Variants in CTDSP1 observed in about 807,000 individuals in gnomAD.
The protein encoded by CTDSP1 is CTD small phosphatase 1.
In CTDSP1, 15 loss-of-function variants were observed where a neutral mutation model predicts 32.5. That is an observed-to-expected ratio of 0.46 (90% CI 0.31 to 0.71). The LOEUF is 0.71. CTDSP1 is among the 30% of genes least tolerant of loss of function. CTDSP1 has a pLI of 0.05. For missense variants in CTDSP1, 294 were observed against 351.1 expected (o/e 0.84, Z 1.30); for synonymous variants, 185 against 145.4 (o/e 1.27, Z -1.96).
rs1439736660 is a variant in CTDSP1, at chr2:218,402,738, G to A, written c.379-297G>A. The stretch of plus-strand genomic sequence containing the variant: ...CGGGGACCGGTGCCCTGCAGCCTTG[G>A]GGTGAGGGGGCTGCCCCTGGATTCC... On this transcript the variant is annotated intron_variant, in intron 4 of 6. Transcript: ENST00000273062. The A allele has an allele frequency of 4.0e-6, 3 of 750,434 alleles. No individual in the cohort carries two copies. The Admixed American group carries it at 5.4e-5, about 13-fold the overall frequency. The allele number at this position is 750,434 out of a possible 1,614,324, so 46.5% of individuals were successfully genotyped here.
intron 4 of CTDSP1, chr2:218,402,677 T>C: frequency 2.6e-6 from 2 of 758,160 alleles, no homozygotes; most frequent in Non-Finnish European, 2.5e-6. Context: ...TCAGGATAGG[T>C]TGTGTGCTGT....
chr2:218,397,023 G>C (rs939276989), upstream of CTDSP1: 1 of 152,952 alleles, frequency 6.5e-6, no homozygotes, highest in Non-Finnish European at 1.5e-5. Flanking sequence ...TCGGCGGTAG[G>C]GGGGAGTGTT....
intron 1 of CTDSP1, 109 bp downstream of exon 1, chr2:218,400,266 G>T (rs1394020536): frequency 8.9e-6 from 9 of 1,015,838 alleles, no homozygotes; most frequent in East Asian, 2.7e-5. Flanking sequence ...GGCCGCCTTA[G>T]CTGTGCCCGA....
Position 218,402,108 on chromosome 2 carries a change from C to T in CTDSP1, c.217-3C>T, listed in dbSNP as rs1697175017. The T allele has an allele frequency of 2.5e-6, 4 of 1,607,406 alleles. No homozygotes were observed. In the East Asian group the frequency reaches 6.7e-5, roughly 27 times the overall value. On this transcript the variant is annotated splice_polypyrimidine_tract_variant and splice_region_variant and intron_variant, in intron 2 of 6. Coordinates refer to ENST00000273062, the MANE Select transcript of CTDSP1 (RefSeq NM_021198.3). ...ACCCCAGCCAGCCCCGCCCTCCCTA[C>T]AGCAGACCCCAGTCCAATACCTGCT...
rs1697187214 is a variant in CTDSP1, at chr2:218,402,332, C to T, written c.322-17C>T. ...GGGGCTCCTCCTCCAACTCCAGCAGCTCTTTTCCCCCCACAGCCAGTGAAC... is the reference window on the plus strand; with the variant it reads ...GGGGCTCCTCCTCCAACTCCAGCAGTTCTTTTCCCCCCACAGCCAGTGAAC... On this transcript the variant is annotated splice_polypyrimidine_tract_variant and intron_variant, in intron 3 of 6. Coordinates refer to ENST00000273062, the MANE Select transcript of CTDSP1 (RefSeq NM_021198.3). 3 of 1,613,990 alleles carry T rather than the reference C, an allele frequency of 1.9e-6. No homozygotes were observed. The highest frequency in any genetic ancestry group is 1.3e-5 in the African/African-American group (1 of 75,048).
Position 218,404,875 on chromosome 2 carries a change from T to G in CTDSP1, c.*450T>G. ...CCCAGCTTTCCCAGGGGCACAGCTC[T>G]AGGCTGGGAGGGGAGAACCAGCCCC... On this transcript the variant is annotated 3_prime_UTR_variant, in exon 7 of 7. Coordinates refer to ENST00000273062, the MANE Select transcript of CTDSP1 (RefSeq NM_021198.3). The G allele has an allele frequency of 6.4e-6, 1 of 156,322 alleles. No homozygotes were observed. The highest frequency in any genetic ancestry group is 1.4e-5 in the Non-Finnish European group (1 of 70,236). The allele number at this position is 156,322 out of a possible 1,614,324, so 9.7% of individuals were successfully genotyped here.
rs746206635 is a variant in CTDSP1, at chr2:218,401,551, C to G, written c.68-13C>G. ...TGTGCACCGAGCCTCCAACTTGTGC[C>G]TCCCTACTTCAGGTGACCAGAAGTC... On this transcript the variant is annotated splice_polypyrimidine_tract_variant and intron_variant, in intron 1 of 6. Coordinates refer to ENST00000273062, the MANE Select transcript of CTDSP1 (RefSeq NM_021198.3). 2 of 1,613,350 alleles carry G rather than the reference C, an allele frequency of 1.2e-6. No homozygotes were observed. The highest frequency in any genetic ancestry group is 1.1e-5 in the South Asian group (1 of 91,042).
upstream of CTDSP1, chr2:218,398,415 G>A (rs769381378): frequency 3.3e-6 from 5 of 1,535,324 alleles, no homozygotes; most frequent in South Asian, 3.6e-5. Context: ...GAAGCGCAAT[G>A]GTGGCCGCCC....
rs1374259332 is a variant in CTDSP1 at position 218,402,420 on chromosome 2, G to A, written c.378+15G>A. On this transcript the variant is annotated intron_variant, in intron 4 of 6. Transcript: ENST00000273062. The stretch of plus-strand genomic sequence containing the variant: ...TGGTCCACCAGGTGAGGGCCAGGAA[G>A]AGGCAGTGGTGGGCTTGGCATCTGC... 4 of 1,603,122 alleles carry A rather than the reference G, an allele frequency of 2.5e-6. No homozygotes were observed. Among genetic ancestry groups the A allele is most frequent in the Non-Finnish European group, 1.7e-6 (2 of 1,174,188 alleles).
At chr2:218,397,607 C>G (rs1449972401), upstream of CTDSP1, among the ~76,000 whole-genome samples, 1 of 152,188 alleles carries the variant, frequency 6.6e-6, no homozygotes, top group Admixed American at 6.5e-5. Context: ...CTCCCCGTTT[C>G]TGACTTGTGG....
rs1697255529 is a variant in CTDSP1, at chr2:218,403,369, C to T, written c.609C>T (p.Leu203=). ...SRLGRDLRRV[L]ILDNSPASYV... ...TGGGTCGAGACCTGCGGCGGGTGCT[C>T]ATCCTGGACAATTCACCTGCCTCCT... The change falls in exon 6 of 7, where the codon CTC becomes CTT. Residue 203 remains leucine (L), a synonymous_variant. Transcript: ENST00000273062. The T allele has an allele frequency of 6.2e-7, 1 of 1,612,276 alleles. No homozygotes were observed. Among genetic ancestry groups the T allele is most frequent in the Non-Finnish European group, 8.5e-7 (1 of 1,179,224 alleles).
intron 4 of CTDSP1, chr2:218,402,781 G>A: frequency 1.4e-6 from 1 of 716,358 alleles, no homozygotes; most frequent in South Asian, 1.5e-5. Context: ...GGCTGAGGTT[G>A]AGGCAGGGGA....
chr2:218,402,673 T>C (rs1381090830), intron 4 of CTDSP1: 1 of 760,116 alleles, frequency 1.3e-6, no homozygotes, highest in East Asian at 2.5e-5. Context: ...TAATTCAGGA[T>C]AGGTTGTGTG....
chr2:218,403,180 A>C (rs908957688), intron 5 of CTDSP1, 52 bp from the exon 6 acceptor site: 6 of 1,612,730 alleles, frequency 3.7e-6, no homozygotes, highest in Non-Finnish European at 5.1e-6. Flanking sequence ...TACCTCCCGC[A>C]TGCAGCCCAA....
At chr2:218,399,248 G>A (rs944164149), upstream of CTDSP1, 2 of 152,278 alleles carry the variant, frequency 1.3e-5, no homozygotes, top group African/African-American at 4.8e-5. Context: ...CGTGGGGAGA[G>A]GTCGGCAGGG....
chr2:218,398,584 C>T (rs1696941300), upstream of CTDSP1: 3 of 743,638 alleles, frequency 4.0e-6, no homozygotes, highest in South Asian at 4.6e-5. Context: ...CCTCCCGGCC[C>T]CCGCGCGGGG....
chr2:218,399,798 A>C (rs897286457), upstream of CTDSP1: 2 of 1,109,990 alleles, frequency 1.8e-6, no homozygotes, highest in Non-Finnish European at 2.2e-6. Flanking sequence ...GCCGCAGCCG[A>C]GTCCAGGTCA....
At position 218,403,027 on chromosome 2, in the gene CTDSP1, C is replaced by A; in HGVS notation, c.379-8C>A. ...GGCCCGCAGCCCCCTCACTGGCCCG[C>A]CCCCCAGGTCTACGTGTTGAAGCGT... On this transcript the variant is annotated splice_polypyrimidine_tract_variant and splice_region_variant and intron_variant, in intron 4 of 6. Coordinates refer to ENST00000273062, the MANE Select transcript of CTDSP1 (RefSeq NM_021198.3). 5.0e-6 allele frequency: 8 copies of A among 1,612,096 alleles called. No homozygotes were observed. Among genetic ancestry groups the A allele is most frequent in the Non-Finnish European group, 6.8e-6 (8 of 1,178,610 alleles).
At chr2:218,400,560 G>A in intron 1 of CTDSP1, 3 of 349,580 alleles carry the variant, frequency 8.6e-6, no homozygotes, top group South Asian at 6.5e-5. Context: ...CCACCCCCCC[G>A]GGCTGCGGTC....
Sources: gnomAD v4.1 joint callset for allele counts (sites outside exome capture counted in the v4.1 genomes callset) on GRCh38, gnomAD v4.1.1 for gene constraint, MANE v1.5 for transcripts, NCBI Gene and HGNC (gene_info 2026-07-23, HGNC 2026-07-21) for gene names.